SLF2: variants seen among roughly 807,000 people sequenced by gnomAD.
SLF2 encodes the protein SMC5/6 complex localization factor 2.
In SLF2, 68 loss-of-function variants were observed where a neutral mutation model predicts 124.3. That is an observed-to-expected ratio of 0.55 (90% CI 0.45 to 0.67). The LOEUF (loss-of-function observed/expected upper bound fraction) is 0.67, where lower values mean the gene tolerates loss of function less well. SLF2 is among the 30% of genes least tolerant of loss of function. SLF2 has a pLI of 0.00. For synonymous variants in SLF2, 480 were observed against 478.8 expected (o/e 1.00, Z -0.03); for missense variants, 1,246 against 1,373.7 (o/e 0.91, Z 1.47).
In SLF2 at chr10:100,960,995, C is replaced by CTACTTTT. The variant is rs1411407192; in HGVS notation, c.3487-881_3487-880insACTTTTT. Among the ~76,000 whole-genome samples the CTACTTTT allele has an allele frequency of 7.3e-5, 4 of 54,450 alleles. 1 individual carries two copies. Among genetic ancestry groups the CTACTTTT allele is most frequent in the African/African-American group, 1.9e-4 (3 of 15,412 alleles). 35.7% of individuals were successfully genotyped at this position (54,450 alleles called of 152,430 possible). A position where few individuals can be genotyped will look rare whatever the true frequency, so the allele number is the denominator to read the frequency against. ...GGAGTGAGAACTGAGATATTCTGTA[C>CTACTTTT]TTCTTTTTTTTTTTTTTTTTTTTTT... On this transcript the variant is annotated intron_variant, in intron 19 of 19. Coordinates refer to ENST00000238961, the MANE Select transcript of SLF2 (RefSeq NM_018121.4).
chr10:100,940,950 C>G (rs1300586771), intron 11 of SLF2, among the ~76,000 whole-genome samples: 1 of 151,508 alleles, frequency 6.6e-6, no homozygotes, highest in Non-Finnish European at 1.5e-5. Flanking sequence ...GCCCTCCTGC[C>G]TCAGCTTCCT....
intron 1 of SLF2, among the ~76,000 whole-genome samples, chr10:100,914,213 C>T (rs1332551718): frequency 6.6e-6 from 1 of 152,214 alleles, no homozygotes. Flanking sequence ...AAGTTATCCC[C>T]TTCCTAAAAT....
Position 100,951,191 on chromosome 10 carries a change from C to T in SLF2, c.3330+438C>T, listed in dbSNP as rs568306776. Among the ~76,000 whole-genome samples, 388 of 152,162 alleles carry T rather than the reference C, an allele frequency of 2.5e-3. 4 individuals carry two copies. Among genetic ancestry groups the T allele is most frequent in the African/African-American group, 9.1e-3 (377 of 41,512 alleles). ...CCGGGAGGTGGAGGTTGCAGTGAGC[C>T]GAGATTGCGCCACTGCACTCCAGCC... On this transcript the variant is annotated intron_variant, in intron 17 of 19. Transcript: ENST00000238961.
intron 6 of SLF2, among the ~76,000 whole-genome samples, chr10:100,927,639 G>A (rs1264554013): frequency 1.3e-5 from 2 of 152,068 alleles, no homozygotes; most frequent in South Asian, 2.1e-4. Context: ...TGGTAATTCC[G>A]TTTAATTTTT....
chr10:100,914,245 A>T (rs1000445462), intron 1 of SLF2, among the ~76,000 whole-genome samples: 6 of 152,188 alleles, frequency 3.9e-5, no homozygotes, highest in African/African-American at 1.2e-4. Context: ...AGAATTCTAA[A>T]ACACATTTGG....
chr10:100,951,987 T>TA, intron 17 of SLF2, among the ~76,000 whole-genome samples: 2 of 152,338 alleles, frequency 1.3e-5, no homozygotes, highest in South Asian at 4.1e-4. Flanking sequence ...CACACCCCTG[T>TA]AATCCCAGCA....
chr10:100,959,636 A>G (rs1850393154), intron 19 of SLF2, 140 bp downstream of exon 19: 4 of 1,327,018 alleles, frequency 3.0e-6, no homozygotes, highest in Non-Finnish European at 1.9e-6. Flanking sequence ...CCAGTATAAT[A>G]CATGGTTTGT....
chr10:100,913,964 C>T, intron 1 of SLF2: 1 of 799,472 alleles, frequency 1.3e-6, no homozygotes, highest in Non-Finnish European at 1.5e-6. Context: ...TACTGTGGTA[C>T]AGGCCCACAA....
In SLF2 at chr10:100,950,066, C is replaced by A. The variant is rs370313488; in HGVS notation, c.3121-10C>A. ...TAGCTTTGTTCAATGTCTCCTCTTT[C>A]TTTTGATAGGTATCAGTCCTACATC... On this transcript the variant is annotated splice_polypyrimidine_tract_variant and intron_variant, in intron 15 of 19. Coordinates refer to ENST00000238961, the MANE Select transcript of SLF2 (RefSeq NM_018121.4). The A allele has an allele frequency of 5.2e-6, 8 of 1,552,514 alleles. No homozygotes were observed. Among genetic ancestry groups the A allele is most frequent in the East Asian group, 2.3e-5 (1 of 43,726 alleles).
chr10:100,925,188 C>G (rs746355631), intron 5 of SLF2, among the ~76,000 whole-genome samples: 1 of 152,172 alleles, frequency 6.6e-6, no homozygotes, highest in Non-Finnish European at 1.5e-5. Context: ...ATCACACACA[C>G]TTAACAATTT....
intron 3 of SLF2, 67 bp downstream of exon 3, chr10:100,917,367 A>G: frequency 2.7e-6 from 4 of 1,473,342 alleles, no homozygotes; most frequent in Non-Finnish European, 3.6e-6. Flanking sequence ...TAAATTTAAA[A>G]ATATTTAAGA....
chr10:100,925,933 A>C lies in SLF2; in HGVS notation c.1972-16A>C. The stretch of plus-strand genomic sequence containing the variant: ...TAAGACATGTGGTAAAGTATTTCTA[A>C]ATGTTCTTGTTTTAGGGACATGTTC... On this transcript the variant is annotated splice_polypyrimidine_tract_variant and intron_variant, in intron 5 of 19. Transcript: ENST00000238961. 6.4e-7 allele frequency: 1 copy of C among 1,562,040 alleles called. No homozygotes were observed. The highest frequency in any genetic ancestry group is 8.6e-7 in the Non-Finnish European group (1 of 1,156,324).
chr10:100,956,595 T>A, intron 18 of SLF2, 58 bp downstream of exon 18: 1 of 1,323,230 alleles, frequency 7.6e-7, no homozygotes, highest in Non-Finnish European at 1.1e-6. Context: ...TACGTTAATA[T>A]TTAAGGATAG....
intron 11 of SLF2, among the ~76,000 whole-genome samples, chr10:100,941,914 C>T (rs189393717): frequency 8.8e-4 from 134 of 152,282 alleles, no homozygotes; most frequent in Admixed American, 3.9e-3. Flanking sequence ...TTTTGAAAAA[C>T]AAGTTCTTCA....
chr10:100,927,618 A>G (rs1409701555), intron 6 of SLF2, among the ~76,000 whole-genome samples: 2 of 152,192 alleles, frequency 1.3e-5, no homozygotes, highest in African/African-American at 4.8e-5. Flanking sequence ...AAGTGGACTT[A>G]CTGGATTATA....
intron 9 of SLF2, among the ~76,000 whole-genome samples, chr10:100,935,136 C>T (rs1849819198): frequency 6.6e-6 from 1 of 152,134 alleles, no homozygotes; most frequent in Admixed American, 6.5e-5. Flanking sequence ...TGGCTCATGC[C>T]TGTAATCCCA....
Position 100,956,491 on chromosome 10 carries a change from T to C in SLF2, c.3371T>C (p.Val1124Ala), listed in dbSNP as rs1309582849. ...VLLCGALEKH[V>A]KCDIREDARL... ...CTCTGTGGGGCTTTGGAAAAGCATG[T>C]TAAATGTGATATTAGGGAAGATGCA... Residue 1124 changes from valine (V) to alanine (A), a missense_variant, in exon 18 of 20, where the codon GTT becomes GCT. Around this residue, in one of 3 missense-constraint regions of SLF2, gnomAD observed 535 missense variants for 632.8 expected, o/e 0.85. Transcript: ENST00000238961. 1 of 1,613,642 alleles carries C rather than the reference T, an allele frequency of 6.2e-7. No individual in the cohort carries two copies. Among genetic ancestry groups the C allele is most frequent in the Non-Finnish European group, 8.5e-7 (1 of 1,179,842 alleles).
chr10:100,948,077 G>A (rs1365417311), intron 15 of SLF2, among the ~76,000 whole-genome samples: 1 of 152,218 alleles, frequency 6.6e-6, no homozygotes, highest in East Asian at 1.9e-4. Flanking sequence ...ACAATCAGAT[G>A]TGAATTAATG....
chr10:100,913,963 A>G, intron 1 of SLF2: 1 of 801,960 alleles, frequency 1.2e-6, no homozygotes, highest in Non-Finnish European at 1.5e-6. Flanking sequence ...ATACTGTGGT[A>G]CAGGCCCACA....
Sources: gnomAD v4.1 joint callset for allele counts (sites outside exome capture counted in the v4.1 genomes callset) on GRCh38, gnomAD v4.1.1 for gene constraint, gnomAD v4.1.1 regional missense constraint, MANE v1.5 for transcripts, NCBI Gene and HGNC (gene_info 2026-07-23, HGNC 2026-07-21) for gene names.